The following AKAP19 variants were observed in gnomAD, a reference collection of about 807,000 sequenced individuals.
AKAP19 encodes the protein small A-kinase anchoring protein.
At chr2:189,951,228 G>C in the AKAP19 span, among the ~76,000 whole-genome samples, 1 of 106,632 alleles carries the variant, frequency 9.4e-6, no homozygotes, top group East Asian at 3.1e-4. Flanking sequence ...TTGAGACAGA[G>C]TCTTGCATCT....
At chr2:189,985,488 CAT>C in the AKAP19 span, among the ~76,000 whole-genome samples, 1 of 152,172 alleles carries the variant, frequency 6.6e-6, no homozygotes, top group Non-Finnish European at 1.5e-5. Flanking sequence ...GTCGGGAATG[CAT>C]ATGTCCGTTG....
the AKAP19 span, among the ~76,000 whole-genome samples, chr2:189,935,862 C>T: frequency 6.6e-6 from 1 of 152,070 alleles, no homozygotes; most frequent in Non-Finnish European, 1.5e-5. Flanking sequence ...ATGAATTTTA[C>T]AGCATATAAT....
At chr2:190,072,398 G>A in the AKAP19 span, among the ~76,000 whole-genome samples, 198 of 152,028 alleles carry the variant, frequency 1.3e-3, no homozygotes, top group Admixed American at 2.1e-3. Context: ...CTGCACCCCC[G>A]AATCTAAAAT....
At chr2:190,178,518 G>A in the AKAP19 span, among the ~76,000 whole-genome samples, 76 of 152,322 alleles carry the variant, frequency 5.0e-4, no homozygotes, top group Non-Finnish European at 5.4e-4. This position sits in a 1 kb window ranked among gnomAD's most constrained non-coding sequence, Gnocchi z 6.3. Flanking sequence ...AGGGCAGCCG[G>A]GCAGATGGCA....
the AKAP19 span, among the ~76,000 whole-genome samples, chr2:190,066,366 G>A: frequency 6.6e-6 from 1 of 152,144 alleles, no homozygotes; most frequent in Non-Finnish European, 1.5e-5. Flanking sequence ...GTGTACTAAT[G>A]TAAAGACTTG....
At chr2:189,971,383 T>C in the AKAP19 span, among the ~76,000 whole-genome samples, 1 of 152,208 alleles carries the variant, frequency 6.6e-6, no homozygotes, top group Non-Finnish European at 1.5e-5. Flanking sequence ...CAGTCTATCA[T>C]TGATGGACAT....
chr2:190,009,742 G>A, the AKAP19 span, among the ~76,000 whole-genome samples: 4 of 152,120 alleles, frequency 2.6e-5, no homozygotes, highest in Non-Finnish European at 5.9e-5. Flanking sequence ...CCATGAGACT[G>A]GAAGAGATTA....
At chr2:190,039,010 CTCTTCCTCTTCCTCTTCTTCCTCT>C in the AKAP19 span, among the ~76,000 whole-genome samples, 1 of 107,726 alleles carries the variant, frequency 9.3e-6, no homozygotes, top group Non-Finnish European at 1.8e-5. Context: ...CTTCTTCTTC[CTCTTCCTCTTCCTCTTCTTCCTCT>C]TCTTCCTCTT....
At chr2:190,084,848 A>G in the AKAP19 span, among the ~76,000 whole-genome samples, 1 of 152,226 alleles carries the variant, frequency 6.6e-6, no homozygotes, top group Non-Finnish European at 1.5e-5. Context: ...TATTCTTGAA[A>G]AGGGTTTTAT....
chr2:189,985,511 C>T, the AKAP19 span, among the ~76,000 whole-genome samples: 1 of 152,124 alleles, frequency 6.6e-6, no homozygotes, highest in South Asian at 2.1e-4. Flanking sequence ...CTTTGAACTG[C>T]CTGTGAAGGC....
chr2:189,898,542 CT>C, the AKAP19 span, among the ~76,000 whole-genome samples: 1 of 152,092 alleles, frequency 6.6e-6, no homozygotes, highest in Admixed American at 6.5e-5. Context: ...CTACTCATAT[CT>C]TCTTTTGGCA....
At chr2:190,060,002 T>C in the AKAP19 span, 2 of 1,539,246 alleles carry the variant, frequency 1.3e-6, no homozygotes, top group Non-Finnish European at 1.8e-6. Context: ...CACTATTGTT[T>C]GTTCATATTA....
chr2:190,010,643 A>G, the AKAP19 span, among the ~76,000 whole-genome samples: 1 of 152,226 alleles, frequency 6.6e-6, no homozygotes, highest in African/African-American at 2.4e-5. Context: ...TATAGAAAAT[A>G]TGGTGGGTGA....
chr2:190,181,053 G>T, the AKAP19 span: 1 of 985,600 alleles, frequency 1.0e-6, no homozygotes, highest in Non-Finnish European at 1.2e-6. Context: ...GCTGCCTCCG[G>T]GACCCCACGG....
the AKAP19 span, among the ~76,000 whole-genome samples, chr2:190,031,563 T>TAA: frequency 1 from 151,727 of 152,300 alleles, 75,580 homozygotes; most frequent in Middle Eastern, 1. Context: ...ATAATTATCA[T>TAA]GACTTTATTT....
the AKAP19 span, among the ~76,000 whole-genome samples, chr2:190,042,303 A>T: frequency 2.6e-5 from 4 of 152,062 alleles, no homozygotes; most frequent in East Asian, 7.7e-4. Context: ...GTTTGTGTGC[A>T]TAGAAGTATT....
chr2:190,200,020 A>G, the AKAP19 span: 1 of 1,614,078 alleles, frequency 6.2e-7, no homozygotes, highest in South Asian at 1.1e-5. Context: ...ACCTCCAGGG[A>G]CCAATACTGT....
At chr2:190,060,195 C>A in the AKAP19 span, 3 of 1,613,110 alleles carry the variant, frequency 1.9e-6, no homozygotes, top group South Asian at 3.3e-5. Context: ...CACATCAATG[C>A]TCTGCCAAAT....
chr2:189,998,500 T>C, the AKAP19 span, among the ~76,000 whole-genome samples: 1 of 152,212 alleles, frequency 6.6e-6, no homozygotes, highest in African/African-American at 2.4e-5. Flanking sequence ...AATTTGTATG[T>C]GTGCAGGAAT....
Sources: allele counts gnomAD v4.1 joint callset (sites outside exome capture counted in the v4.1 genomes callset), GRCh38; gene constraint gnomAD v4.1.1; non-coding constraint Gnocchi (gnomAD v3.1); transcripts MANE v1.5; gene names NCBI Gene and HGNC (gene_info 2026-07-23, HGNC 2026-07-21).